CDIN1: variants seen among roughly 807,000 people sequenced by gnomAD.
CDIN1 encodes the protein CDAN1-interacting nuclease 1.
Under a neutral mutation model 45.3 loss-of-function variants are expected in CDIN1, and 33 were observed. The observed-to-expected ratio is 0.73, with a 90% CI of 0.55 to 0.97. The LOEUF is 0.97. Ranked by LOEUF, CDIN1 falls within the 50% of genes least tolerant of loss-of-function variation. CDIN1 has a pLI of 0.00. For synonymous variants in CDIN1, 118 were observed against 124.4 expected, an observed-to-expected ratio of 0.95 and a Z score of 0.34; for missense variants, 303 against 339.4, an observed-to-expected ratio of 0.89 and a Z score of 0.84.
At chr15:36,720,798 T>A (rs1416523917) in intron 10 of CDIN1, among the ~76,000 whole-genome samples, 1 of 152,178 alleles carries the variant, frequency 6.6e-6, no homozygotes, top group Non-Finnish European at 1.5e-5. Flanking sequence ...TACCCAGTAA[T>A]GGGATGGCTG....
Position 36,697,310 on chromosome 15 carries a change from T to A in CDIN1, c.477-13T>A. On this transcript the variant is annotated splice_polypyrimidine_tract_variant and intron_variant, in intron 7 of 10. Transcript: ENST00000566621. The stretch of plus-strand genomic sequence containing the variant: ...ATTCTGCCTGTGTTACCCCCTTAAC[T>A]GAAACTTCCCAGTGCCATTGGTCAT... 5 of 1,612,348 alleles carry A rather than the reference T, an allele frequency of 3.1e-6. No homozygotes were observed. Among genetic ancestry groups the A allele is most frequent in the Non-Finnish European group, 4.2e-6 (5 of 1,179,116 alleles).
At chr15:36,752,729 C>T (rs773524855) in intron 10 of CDIN1, among the ~76,000 whole-genome samples, 12 of 152,166 alleles carry the variant, frequency 7.9e-5, no homozygotes, top group Non-Finnish European at 1.5e-4. Context: ...TTAGCCTTGG[C>T]ACATCAAAAT....
chr15:36,589,807 A>C (rs2037489981), intron 1 of CDIN1, among the ~76,000 whole-genome samples: 1 of 152,182 alleles, frequency 6.6e-6, no homozygotes, highest in South Asian at 2.1e-4. Flanking sequence ...CCCGGCCAAC[A>C]GTTCTCCATT....
chr15:36,688,160 T>G (rs1396842279), intron 5 of CDIN1, among the ~76,000 whole-genome samples: 1 of 151,656 alleles, frequency 6.6e-6, no homozygotes, highest in African/African-American at 2.4e-5. Flanking sequence ...GTCAATGAAA[T>G]TAGAAGAAAT....
intron 10 of CDIN1, among the ~76,000 whole-genome samples, chr15:36,764,850 CCTT>C (rs1265143384): frequency 1.3e-5 from 2 of 152,112 alleles, no homozygotes; most frequent in Non-Finnish European, 2.9e-5. Flanking sequence ...AGACACATGC[CCTT>C]CTTTGCCATT....
At chr15:36,612,042 T>G (rs942831467) in intron 1 of CDIN1, among the ~76,000 whole-genome samples, 2 of 152,236 alleles carry the variant, frequency 1.3e-5, no homozygotes, top group Non-Finnish European at 2.9e-5. Context: ...AAATGTAGTT[T>G]TCCCCAGGTG....
intron 10 of CDIN1, among the ~76,000 whole-genome samples, chr15:36,771,186 A>G (rs1233741333): frequency 6.6e-6 from 1 of 152,074 alleles, no homozygotes; most frequent in Non-Finnish European, 1.5e-5. Flanking sequence ...TTCTTATTGT[A>G]TATATTGTAT....
Position 36,757,375 on chromosome 15 carries a change from A to G in CDIN1, c.716+47414A>G, listed in dbSNP as rs569041538. ...TTAACTCTTCACAGTAGTGAGTTGT[A>G]GCCACTTGGGTCGAGACCTCATGAA... On this transcript the variant is annotated intron_variant, in intron 10 of 10. Coordinates refer to ENST00000566621, the MANE Select transcript of CDIN1 (RefSeq NM_001321759.2). Among the ~76,000 whole-genome samples the G allele has an allele frequency of 2.0e-5, 3 of 152,314 alleles. No homozygotes were observed. The East Asian group carries it at 5.8e-4, about 29-fold the overall frequency.
At chr15:36,778,623 C>T (rs949368839) in intron 10 of CDIN1, among the ~76,000 whole-genome samples, 1 of 152,104 alleles carries the variant, frequency 6.6e-6, no homozygotes, top group African/African-American at 2.4e-5. Context: ...ATATAGTGCA[C>T]ATCTCTCTAG....
At chr15:36,796,756 G>T (rs1232461398) in intron 10 of CDIN1, among the ~76,000 whole-genome samples, 1 of 152,190 alleles carries the variant, frequency 6.6e-6, no homozygotes, top group Non-Finnish European at 1.5e-5. Flanking sequence ...ATCCCTCTTC[G>T]TTTGGAAATG....
rs1304319861 is a variant in CDIN1 at position 36,809,493 on chromosome 15, CTTTAA to C, written c.*1045_*1049del. ...TAAAGGAGATTTTTCTATTTGTTCACTTTAATTTATTCACTTTTGTGTACTTTTAT... is the reference window on the plus strand; with the variant it reads ...TAAAGGAGATTTTTCTATTTGTTCACTTTATTCACTTTTGTGTACTTTTAT... On this transcript the variant is annotated 3_prime_UTR_variant, in exon 11 of 11. Coordinates refer to ENST00000566621, the MANE Select transcript of CDIN1 (RefSeq NM_001321759.2). 3.9e-5 allele frequency: 6 copies of C among 152,222 alleles called. No homozygotes were observed. The East Asian group carries it at 5.8e-4, about 15-fold the overall frequency. 9.4% of individuals were successfully genotyped at this position (152,222 alleles called of 1,614,324 possible). A position where few individuals can be genotyped will look rare whatever the true frequency, so the allele number is the denominator to read the frequency against.
At chr15:36,589,470 G>A (rs986034905) in intron 1 of CDIN1, among the ~76,000 whole-genome samples, 14 of 151,816 alleles carry the variant, frequency 9.2e-5, no homozygotes, top group Non-Finnish European at 2.9e-5. Context: ...AGCTGCTAGG[G>A]TGAAACTCCT....
chr15:36,591,414 A>G (rs1219007933), intron 1 of CDIN1, among the ~76,000 whole-genome samples: 1 of 152,224 alleles, frequency 6.6e-6, no homozygotes, highest in East Asian at 1.9e-4. Context: ...AATATGAGGC[A>G]GACTGTTCCT....
At chr15:36,709,705 T>G (rs1350396990) in intron 9 of CDIN1, 151 bp from the exon 10 acceptor site, 1 of 588,690 alleles carries the variant, frequency 1.7e-6, no homozygotes, top group East Asian at 2.8e-5. Flanking sequence ...AATGAACATA[T>G]ACAGTGTGTT....
At chr15:36,591,548 A>G (rs2037574507) in intron 1 of CDIN1, among the ~76,000 whole-genome samples, 1 of 152,228 alleles carries the variant, frequency 6.6e-6, no homozygotes, top group Non-Finnish European at 1.5e-5. Flanking sequence ...GAGGACAACT[A>G]AAATATATAA....
chr15:36,725,602 G>C (rs2043594528), intron 10 of CDIN1, among the ~76,000 whole-genome samples: 1 of 152,146 alleles, frequency 6.6e-6, no homozygotes, highest in Non-Finnish European at 1.5e-5. Context: ...ATAAATTGAA[G>C]TAATTATCTC....
chr15:36,628,547 A>G (rs1437618232), intron 1 of CDIN1, among the ~76,000 whole-genome samples: 1 of 152,202 alleles, frequency 6.6e-6, no homozygotes, highest in African/African-American at 2.4e-5. Context: ...GATCATCCCC[A>G]TAATCTAACT....
At chr15:36,796,715 C>A (rs1490137014) in intron 10 of CDIN1, among the ~76,000 whole-genome samples, 5 of 152,228 alleles carry the variant, frequency 3.3e-5, no homozygotes, top group African/African-American at 9.6e-5. Flanking sequence ...GGAGCTGGAC[C>A]AGTGTGCCTT....
intron 1 of CDIN1, among the ~76,000 whole-genome samples, chr15:36,597,352 T>C (rs1279310200): frequency 6.6e-6 from 1 of 152,196 alleles, no homozygotes; most frequent in Non-Finnish European, 1.5e-5. Context: ...CAGTGACCTC[T>C]TACTGAATTT....
Sources: allele counts gnomAD v4.1 joint callset (sites outside exome capture counted in the v4.1 genomes callset), GRCh38; gene constraint gnomAD v4.1.1; transcripts MANE v1.5; gene names NCBI Gene and HGNC (gene_info 2026-07-23, HGNC 2026-07-21).